The following GPM6A variants were observed in gnomAD, a reference collection of about 807,000 sequenced individuals.
GPM6A encodes the protein glycoprotein M6A.
GPM6A carries 7 observed loss-of-function variants against 32.1 expected under a neutral mutation model. That is an observed-to-expected ratio of 0.22 (90% CI 0.12 to 0.41). The LOEUF (loss-of-function observed/expected upper bound fraction) is 0.41, where lower values mean the gene tolerates loss of function less well. Among genes scored for constraint, GPM6A ranks in the 10% least tolerant of loss-of-function variants. GPM6A has a pLI of 1.00. For missense variants in GPM6A, 235 were observed against 347.2 expected (o/e 0.68, Z 2.57); for synonymous variants, 130 against 123.4 (o/e 1.05, Z -0.35).
intron 1 of GPM6A, among the ~76,000 whole-genome samples, chr4:175,762,186 G>A (rs952486444): frequency 1.3e-5 from 2 of 152,134 alleles, no homozygotes; most frequent in African/African-American, 2.4e-5. Context: ...GTCATTCTAC[G>A]CTTACTTGAC....
intron 1 of GPM6A, among the ~76,000 whole-genome samples, chr4:175,757,863 A>G (rs2111202188): frequency 6.6e-6 from 1 of 152,326 alleles, no homozygotes; most frequent in South Asian, 2.1e-4. Flanking sequence ...AATAAGTATA[A>G]AAATGTACAG....
At chr4:176,001,519 G>A (rs571333878) in intron 1 of GPM6A, among the ~76,000 whole-genome samples, 2 of 152,132 alleles carry the variant, frequency 1.3e-5, no homozygotes, top group African/African-American at 4.8e-5. Context: ...CCTCCCCTCC[G>A]CCACACGCAG....
intron 1 of GPM6A, among the ~76,000 whole-genome samples, chr4:175,769,656 TC>T (rs1733111241): frequency 6.6e-6 from 1 of 152,186 alleles, no homozygotes; most frequent in African/African-American, 2.4e-5. Context: ...AGAATGATAC[TC>T]AAGAGTCTAC....
intron 1 of GPM6A, among the ~76,000 whole-genome samples, chr4:175,986,855 A>G (rs535739324): frequency 2.0e-5 from 3 of 152,234 alleles, no homozygotes; most frequent in East Asian, 3.9e-4. Context: ...TCACATTTCT[A>G]TACTCCAGTC....
chr4:175,971,650 G>A (rs1314844416), intron 1 of GPM6A, among the ~76,000 whole-genome samples: 7 of 152,162 alleles, frequency 4.6e-5, no homozygotes, highest in Non-Finnish European at 1.0e-4. Flanking sequence ...GAAAGAAGGA[G>A]GTGTGCAGTG....
intron 1 of GPM6A, among the ~76,000 whole-genome samples, chr4:175,892,375 T>G (rs555153427): frequency 1.3e-5 from 2 of 152,302 alleles, no homozygotes; most frequent in South Asian, 4.1e-4. Flanking sequence ...TATTTGTGCT[T>G]TCTTCTCTCT....
At chr4:175,736,502 T>A (rs1218082881) in intron 1 of GPM6A, among the ~76,000 whole-genome samples, 5 of 152,076 alleles carry the variant, frequency 3.3e-5, no homozygotes, top group South Asian at 2.1e-4. Flanking sequence ...TTTAAAAAAA[T>A]TTGAAAATAA....
chr4:175,653,119 C>T (rs536248739), intron 3 of GPM6A, among the ~76,000 whole-genome samples: 1 of 152,018 alleles, frequency 6.6e-6, no homozygotes, highest in South Asian at 2.1e-4. Flanking sequence ...TATTCAATAA[C>T]CCTCATAATA....
intron 1 of GPM6A, chr4:175,872,546 T>G (rs1202410780): frequency 6.6e-6 from 1 of 152,212 alleles, no homozygotes; most frequent in East Asian, 1.9e-4. Context: ...ATAAACTCTC[T>G]TTACTTGGCT....
At chr4:175,829,759 T>A (rs1041682354) in intron 1 of GPM6A, among the ~76,000 whole-genome samples, 1 of 148,526 alleles carries the variant, frequency 6.7e-6, no homozygotes, top group Non-Finnish European at 1.5e-5. Flanking sequence ...GATATATATA[T>A]CTTACTCATT....
At chr4:175,759,085 T>A (rs1165502489) in intron 1 of GPM6A, among the ~76,000 whole-genome samples, 1 of 152,192 alleles carries the variant, frequency 6.6e-6, no homozygotes, top group Admixed American at 6.5e-5. Flanking sequence ...TCAAAAACTA[T>A]TAAGTGTCCA....
chr4:175,947,274 A>T (rs994046818), intron 1 of GPM6A, among the ~76,000 whole-genome samples: 3 of 151,858 alleles, frequency 2.0e-5, no homozygotes, highest in Admixed American at 2.0e-4. Context: ...CCATTTGAAC[A>T]TTTAGCATTA....
Position 175,640,937 on chromosome 4 carries a change from T to C in GPM6A, c.542-108A>G, listed in dbSNP as rs150679897. The C allele has an allele frequency of 5.9e-3, 4,024 of 678,190 alleles. 34 individuals carry two copies. The highest frequency in any genetic ancestry group is 0.017 in the Admixed American group (689 of 39,680). 42.0% of individuals were successfully genotyped at this position (678,190 alleles called of 1,614,324 possible). ...AATCTAAGCAAGTTCCATTTTATCT[T>C]ATGTTATGTTACAGTGGAAAAATAA... On this transcript the variant is annotated intron_variant, in intron 4 of 6. Transcript: ENST00000393658.
intron 1 of GPM6A, among the ~76,000 whole-genome samples, chr4:175,952,925 G>T (rs903764198): frequency 6.6e-6 from 1 of 151,670 alleles, no homozygotes; most frequent in African/African-American, 2.4e-5. Context: ...GCATGACTGT[G>T]GTCCTGACTA....
intron 3 of GPM6A, among the ~76,000 whole-genome samples, chr4:175,664,268 A>G (rs1001609077): frequency 6.6e-6 from 1 of 152,186 alleles, no homozygotes; most frequent in African/African-American, 2.4e-5. Context: ...TGGTTGATAC[A>G]CAACATTATA....
At chr4:175,985,344 G>C (rs1352001893) in intron 1 of GPM6A, among the ~76,000 whole-genome samples, 1 of 152,058 alleles carries the variant, frequency 6.6e-6, no homozygotes, top group Non-Finnish European at 1.5e-5. Flanking sequence ...AAAACTTTTT[G>C]CTATTGTAAA....
At chr4:175,912,757 C>A (rs570385710) in intron 1 of GPM6A, among the ~76,000 whole-genome samples, 36 of 152,138 alleles carry the variant, frequency 2.4e-4, no homozygotes, top group Non-Finnish European at 4.3e-4. Flanking sequence ...TCAGCCTTAT[C>A]TCCTCATATT....
At chr4:175,865,267 C>T (rs1736697010) in intron 1 of GPM6A, among the ~76,000 whole-genome samples, 1 of 152,134 alleles carries the variant, frequency 6.6e-6, no homozygotes, top group Non-Finnish European at 1.5e-5. Flanking sequence ...TGGTTCCATC[C>T]CTGGGCTCTC....
chr4:175,781,353 G>A (rs1733608568), intron 1 of GPM6A: 1 of 152,172 alleles, frequency 6.6e-6, no homozygotes, highest in South Asian at 2.1e-4. Context: ...CTCTTCTGTT[G>A]TAGCATTGAC....
Sources: gnomAD v4.1 joint callset for allele counts (sites outside exome capture counted in the v4.1 genomes callset) on GRCh38, gnomAD v4.1.1 for gene constraint, MANE v1.5 for transcripts, NCBI Gene and HGNC (gene_info 2026-07-23, HGNC 2026-07-21) for gene names.